Variants in XPO5 observed in about 807,000 individuals in gnomAD.
XPO5 encodes exportin 5.
In XPO5, 46 loss-of-function variants were observed where a neutral mutation model predicts 160.6. The ratio of observed to expected loss-of-function variants is 0.29; its 90% CI spans 0.23 to 0.37. XPO5 has a LOEUF of 0.37. Ranked by LOEUF, XPO5 falls within the 10% of genes least tolerant of loss-of-function variation. The probability of loss-of-function intolerance (pLI) is 1.00; values close to 1 mark genes in which losing one functional copy is unlikely to be tolerated. For missense variants in XPO5, 1,090 were observed against 1,463.9 expected, an observed-to-expected ratio of 0.74 and a Z score of 4.17; for synonymous variants, 537 against 519.3, an observed-to-expected ratio of 1.03 and a Z score of -0.46.
chr6:43,567,816 T>C (rs1408486749), intron 6 of XPO5, among the ~76,000 whole-genome samples: 3 of 151,852 alleles, frequency 2.0e-5, no homozygotes, highest in Non-Finnish European at 4.4e-5. Context: ...TGTGCATCTA[T>C]AGTCCCAGCT....
Position 43,565,121 on chromosome 6 carries a change from C to T in XPO5, c.911+539G>A, listed in dbSNP as rs112445494. Among the ~76,000 whole-genome samples the T allele has an allele frequency of 3.7e-4, 57 of 152,012 alleles. 1 individual carries two copies. Among genetic ancestry groups the T allele is most frequent in the Middle Eastern group, 3.4e-3 (1 of 294 alleles). On this transcript the variant is annotated intron_variant, in intron 8 of 31. Transcript: ENST00000265351. Reference sequence around the variant, plus strand: ...TATTTTAGTAGAGATGGGGTTTCACCGTGTTGGCCAGGCTGGTCTCAAACT... The same window carrying T: ...TATTTTAGTAGAGATGGGGTTTCACTGTGTTGGCCAGGCTGGTCTCAAACT...
intron 15 of XPO5, 139 bp downstream of exon 15, chr6:43,551,158 AG>A (rs1194437677): frequency 7.7e-6 from 6 of 779,172 alleles, no homozygotes; most frequent in African/African-American, 1.8e-5. Context: ...CAGAAGGGTG[AG>A]GTGTGAGGAT....
At chr6:43,531,847 AAAG>A (rs1317343907) in intron 21 of XPO5, among the ~76,000 whole-genome samples, 2 of 152,162 alleles carry the variant, frequency 1.3e-5, no homozygotes, top group Non-Finnish European at 2.9e-5. Context: ...TGACAACTCA[AAAG>A]TATTTTTCCA....
intron 20 of XPO5, among the ~76,000 whole-genome samples, chr6:43,538,408 C>G (rs1451427795): frequency 6.6e-6 from 1 of 151,962 alleles, no homozygotes; most frequent in Non-Finnish European, 1.5e-5. Flanking sequence ...CCTCGGCCTC[C>G]CAAACTGCTG....
At position 43,522,835 on chromosome 6, in the gene XPO5, C is replaced by T. The variant is rs1793281490; in HGVS notation, c.*1033G>A. On this transcript the variant is annotated 3_prime_UTR_variant, in exon 32 of 32. Coordinates refer to ENST00000265351, the MANE Select transcript of XPO5 (RefSeq NM_020750.3). ...ATAACCTCAGGGCCAGGTCCCGTAT[C>T]CATGTCCTCTCTTTACAGGGCCTTT... The T allele has an allele frequency of 6.6e-6, 2 of 303,866 alleles. No individual in the cohort carries two copies. Among genetic ancestry groups the T allele is most frequent in the Non-Finnish European group, 1.5e-5 (2 of 131,514 alleles). 18.8% of individuals were successfully genotyped at this position (303,866 alleles called of 1,614,324 possible).
At chr6:43,526,522 TG>T in intron 27 of XPO5, 162 bp downstream of exon 27, 2 of 704,056 alleles carry the variant, frequency 2.8e-6, no homozygotes, top group South Asian at 3.5e-5. Flanking sequence ...GGCTTGGAGG[TG>T]GGAGTATGAT....
chr6:43,526,613 C>T (rs1793609591), intron 27 of XPO5, 72 bp downstream of exon 27: 5 of 1,566,892 alleles, frequency 3.2e-6, no homozygotes, highest in African/African-American at 1.4e-5. Flanking sequence ...TGCAAGGAAA[C>T]TGACCTGGTT....
intron 23 of XPO5, among the ~76,000 whole-genome samples, chr6:43,529,880 C>T (rs2127705731): frequency 6.7e-6 from 1 of 148,152 alleles, no homozygotes; most frequent in South Asian, 2.1e-4. Context: ...CCACTGCATT[C>T]CTGCCTGGGT....
At chr6:43,562,560 C>A in intron 8 of XPO5, 1 of 509,482 alleles carries the variant, frequency 2.0e-6, no homozygotes, top group Admixed American at 3.4e-5. Context: ...ACACAAACAG[C>A]AATTAATAAC....
At chr6:43,540,885 A>G (rs926218123) in intron 20 of XPO5, among the ~76,000 whole-genome samples, 3 of 152,104 alleles carry the variant, frequency 2.0e-5, no homozygotes, top group African/African-American at 7.3e-5. Context: ...TTCACATAAC[A>G]TAAAACTAAC....
chr6:43,529,265 G>C, intron 23 of XPO5: 1 of 1,359,350 alleles, frequency 7.4e-7, no homozygotes, highest in Non-Finnish European at 9.8e-7. Flanking sequence ...AAGATTTGCT[G>C]GCTGCGGTGG....
intron 7 of XPO5, 80 bp downstream of exon 7, chr6:43,567,087 CTT>C: frequency 7.0e-7 from 1 of 1,421,888 alleles, no homozygotes; most frequent in Non-Finnish European, 9.4e-7. Context: ...CTTTAAATGA[CTT>C]TCTGCCACAA....
chr6:43,535,735 A>AC (rs1295356566), intron 20 of XPO5, among the ~76,000 whole-genome samples: 1 of 148,744 alleles, frequency 6.7e-6, no homozygotes, highest in Non-Finnish European at 1.5e-5. Context: ...AATGGCGTGA[A>AC]CCCGGGAGGC....
intron 20 of XPO5, among the ~76,000 whole-genome samples, chr6:43,545,085 C>T (rs1336408997): frequency 6.6e-6 from 1 of 151,928 alleles, no homozygotes; most frequent in Non-Finnish European, 1.5e-5. Context: ...GTTGGCCAGG[C>T]TGGTCTGAAA....
At chr6:43,555,802 A>G (rs373751605) in intron 13 of XPO5, 34 bp downstream of exon 13, 7 of 1,613,090 alleles carry the variant, frequency 4.3e-6, no homozygotes, top group African/African-American at 4.0e-5. Flanking sequence ...CTGTCCTAAC[A>G]TTTCACTAAC....
intron 3 of XPO5, 35 bp from the exon 4 acceptor site, chr6:43,571,029 A>C (rs1485669751): frequency 1.9e-6 from 3 of 1,584,648 alleles, no homozygotes; most frequent in Admixed American, 1.9e-5. Context: ...GAGATATGCA[A>C]GACTGGATTC....
At position 43,570,720 on chromosome 6, in the gene XPO5, A is replaced by G. The variant is rs777839623; in HGVS notation, c.439-36T>C. On this transcript the variant is annotated intron_variant, in intron 4 of 31. Transcript: ENST00000265351. ...AGAAATAAGCTAGTTAAAAACTAAA[A>G]TATCTTTTCATTTTATGTATATCCA... 3.2e-6 allele frequency: 5 copies of G among 1,551,216 alleles called. No individual in the cohort carries two copies. The South Asian group carries it at 4.9e-5, about 15-fold the overall frequency.
In XPO5 at chr6:43,528,863, G is replaced by C; in HGVS notation, c.2740C>G (p.Pro914Ala). Reference protein sequence around the residue: ...PPEHYEALVSPILGPLFTYLH... With the variant: ...PPEHYEALVSAILGPLFTYLH... The stretch of plus-strand genomic sequence containing the variant: ...TAGGTGAAAAGAGGTCCGAGGATGG[G>C]GGATACCAGGGCTTCATAGTGCTCT... Residue 914 changes from proline to alanine, a missense_variant, in exon 24 of 32, where the codon CCC becomes GCC. Physicochemically the swap from Pro to Ala is conservative, Grantham distance 27. Coordinates refer to ENST00000265351, the MANE Select transcript of XPO5 (RefSeq NM_020750.3). 6.2e-7 allele frequency: 1 copy of C among 1,613,908 alleles called. No individual in the cohort carries two copies. The highest frequency in any genetic ancestry group is 8.5e-7 in the Non-Finnish European group (1 of 1,179,876).
chr6:43,523,861 G>C lies in XPO5; in HGVS notation c.*7C>G, dbSNP rs770816576. ...AAAGGCCGAGGAAGGATGCCCAAAA[G>C]CTTGATTCAGGGTTCAAAGATGGTG... is the stretch of plus-strand genomic sequence containing the variant. On this transcript the variant is annotated 3_prime_UTR_variant, in exon 32 of 32. Coordinates refer to ENST00000265351, the MANE Select transcript of XPO5 (RefSeq NM_020750.3). 1 of 1,614,008 alleles carries C rather than the reference G, an allele frequency of 6.2e-7. No homozygotes were observed. Among genetic ancestry groups the C allele is most frequent in the South Asian group, 1.1e-5 (1 of 91,084 alleles).
Sources: allele counts gnomAD v4.1 joint callset (sites outside exome capture counted in the v4.1 genomes callset), GRCh38; gene constraint gnomAD v4.1.1; transcripts MANE v1.5; gene names NCBI Gene and HGNC (gene_info 2026-07-23, HGNC 2026-07-21).